The following CSMD1 variants were observed in gnomAD, a reference collection of about 807,000 sequenced individuals.
CSMD1 encodes CUB and Sushi multiple domains 1, also known as CUB and sushi domain-containing protein 1.
A neutral mutation model predicts 417.5 loss-of-function variants in CSMD1; 213 were observed. The observed-to-expected ratio is 0.51, with a 90% CI of 0.46 to 0.57. The LOEUF (loss-of-function observed/expected upper bound fraction) is 0.57. Ranked by LOEUF, CSMD1 falls within the 20% of genes least tolerant of loss-of-function variation. The probability of loss-of-function intolerance (pLI) is 0.00; values close to 1 mark genes in which losing one functional copy is unlikely to be tolerated. For synonymous variants in CSMD1, 2,862 were observed against 1,736.8 expected (o/e 1.65, Z -16.11); for missense variants, 6,923 against 4,529.7 (o/e 1.53, Z -15.17).
At chr8:3,834,511 C>T (rs529563837) in intron 5 of CSMD1, among the ~76,000 whole-genome samples, 24 of 152,258 alleles carry the variant, frequency 1.6e-4, no homozygotes, top group African/African-American at 5.5e-4. Context: ...AGGGGAGAAA[C>T]GGGGTAGAAG....
At chr8:3,011,707 T>C (rs989761850) in intron 52 of CSMD1, among the ~76,000 whole-genome samples, 2 of 152,224 alleles carry the variant, frequency 1.3e-5, no homozygotes, top group African/African-American at 2.4e-5. Flanking sequence ...ATACTAGAGA[T>C]TGAAGAGGTA....
At chr8:4,504,997 C>T (rs1300684168) in intron 2 of CSMD1, among the ~76,000 whole-genome samples, 2 of 152,152 alleles carry the variant, frequency 1.3e-5, no homozygotes, top group East Asian at 1.9e-4. Context: ...GGTATATACC[C>T]AGTAATGGGA....
chr8:4,355,460 T>A (rs148093437), intron 3 of CSMD1, among the ~76,000 whole-genome samples: 11 of 152,046 alleles, frequency 7.2e-5, no homozygotes, highest in African/African-American at 2.7e-4. Context: ...AAAGCATAAA[T>A]AGCTCAAACT....
At chr8:4,863,369 T>G (rs895732275) in intron 1 of CSMD1, among the ~76,000 whole-genome samples, 1 of 152,110 alleles carries the variant, frequency 6.6e-6, no homozygotes, top group Non-Finnish European at 1.5e-5. Context: ...AACATTATTA[T>G]GAATGCAAGC....
intron 2 of CSMD1, among the ~76,000 whole-genome samples, chr8:4,559,872 A>C (rs1258785410): frequency 2.0e-5 from 3 of 152,196 alleles, no homozygotes; most frequent in Non-Finnish European, 4.4e-5. Context: ...TTCTCCAGGA[A>C]AACGTTCTAG....
chr8:4,712,116 G>C (rs993750699), intron 1 of CSMD1, among the ~76,000 whole-genome samples: 2 of 152,148 alleles, frequency 1.3e-5, no homozygotes, highest in African/African-American at 2.4e-5. Context: ...GTCAATCAAT[G>C]GGACTGACCG....
intron 2 of CSMD1, among the ~76,000 whole-genome samples, chr8:4,550,329 G>GCACACACACACACA (rs35196172): frequency 7.2e-6 from 1 of 139,622 alleles, no homozygotes; most frequent in Non-Finnish European, 1.6e-5. Context: ...ATACACACAC[G>GCACACACACACACA]CACACACACA....
intron 1 of CSMD1, among the ~76,000 whole-genome samples, chr8:4,879,999 A>C (rs985429368): frequency 6.6e-6 from 1 of 152,078 alleles, no homozygotes; most frequent in African/African-American, 2.4e-5. Flanking sequence ...TATCTGAATC[A>C]TCCATTGGCT....
At chr8:4,589,017 A>G (rs1799853443) in intron 2 of CSMD1, among the ~76,000 whole-genome samples, 1 of 152,136 alleles carries the variant, frequency 6.6e-6, no homozygotes, top group Non-Finnish European at 1.5e-5. Flanking sequence ...TGTATACATT[A>G]TACAACGTGT....
chr8:4,239,623 A>G (rs1191236050), intron 3 of CSMD1, among the ~76,000 whole-genome samples: 1 of 152,172 alleles, frequency 6.6e-6, no homozygotes, highest in Non-Finnish European at 1.5e-5. Flanking sequence ...TTCCACCTAG[A>G]GAACCCAAAC....
chr8:4,300,865 C>T (rs191254538), intron 3 of CSMD1, among the ~76,000 whole-genome samples: 71 of 152,236 alleles, frequency 4.7e-4, no homozygotes, highest in African/African-American at 1.7e-3. Flanking sequence ...GACATGAACT[C>T]ATCATTTTTT....
intron 3 of CSMD1, among the ~76,000 whole-genome samples, chr8:4,223,115 G>T (rs993679975): frequency 6.8e-6 from 1 of 147,536 alleles, no homozygotes; most frequent in Non-Finnish European, 1.5e-5. Context: ...ATCTGTAGTA[G>T]CAAGTGGCTC....
intron 7 of CSMD1, among the ~76,000 whole-genome samples, chr8:3,694,358 G>C (rs898090287): frequency 6.6e-6 from 1 of 152,108 alleles, no homozygotes; most frequent in Non-Finnish European, 1.5e-5. Context: ...CTCAGGCTGA[G>C]GATTTTCCCA....
intron 10 of CSMD1, among the ~76,000 whole-genome samples, chr8:3,538,284 C>G (rs1305628333): frequency 6.6e-6 from 1 of 152,194 alleles, no homozygotes; most frequent in Admixed American, 6.5e-5. Flanking sequence ...AGTGGTGCAC[C>G]TGATATGCTT....
At chr8:3,409,328 C>A in intron 13 of CSMD1, 95 bp downstream of exon 13, 1 of 1,177,886 alleles carries the variant, frequency 8.5e-7, no homozygotes. Flanking sequence ...TGAAAGCTGC[C>A]CTCCCTAAAT....
chr8:2,998,257 GA>G, intron 53 of CSMD1, 73 bp from the exon 54 acceptor site: 1 of 1,470,038 alleles, frequency 6.8e-7, no homozygotes, highest in Non-Finnish European at 9.4e-7. Flanking sequence ...TTATTAATAA[GA>G]AACATGCAGG....
intron 3 of CSMD1, among the ~76,000 whole-genome samples, chr8:4,136,660 C>T (rs2407305): frequency 0.37 from 56,048 of 151,950 alleles, 10,864 homozygotes; most frequent in African/African-American, 0.48. Context: ...CTTTTTTCCT[C>T]TTATTGTCTC....
At chr8:4,294,060 T>C (rs1475400687) in intron 3 of CSMD1, among the ~76,000 whole-genome samples, 1 of 152,178 alleles carries the variant, frequency 6.6e-6, no homozygotes, top group East Asian at 1.9e-4. Flanking sequence ...CAAGTGACTA[T>C]TGCACCGAAA....
chr8:4,213,578 G>A (rs1585034712), intron 3 of CSMD1, among the ~76,000 whole-genome samples: 1 of 152,284 alleles, frequency 6.6e-6, no homozygotes, highest in East Asian at 1.9e-4. Context: ...TCTCCCACTT[G>A]CAACGTGAAA....
Sources: gnomAD v4.1 joint callset for allele counts (sites outside exome capture counted in the v4.1 genomes callset) on GRCh38, gnomAD v4.1.1 for gene constraint, MANE v1.5 for transcripts, NCBI Gene and HGNC (gene_info 2026-07-23, HGNC 2026-07-21) for gene names.